The following MCTP2 variants were observed in gnomAD, a reference collection of about 807,000 sequenced individuals.
MCTP2 encodes the protein multiple C2 and transmembrane domain-containing protein 2.
A neutral mutation model predicts 111.6 loss-of-function variants in MCTP2; 132 were observed. The observed-to-expected ratio is 1.18, with a 90% CI of 1.03 to 1.37. The LOEUF (loss-of-function observed/expected upper bound fraction) is 1.37. Among genes scored for constraint, MCTP2 ranks in the 40% most tolerant of loss-of-function variants. The pLI, the probability that MCTP2 is intolerant of heterozygous loss-of-function variation, is 0.00. For synonymous variants in MCTP2, 395 were observed against 387.7 expected (o/e 1.02, Z -0.22); for missense variants, 1,183 against 1,067.9 (o/e 1.11, Z -1.50).
intron 2 of MCTP2, among the ~76,000 whole-genome samples, chr15:94,305,864 T>C (rs972095093): frequency 1.3e-5 from 2 of 152,138 alleles, no homozygotes; most frequent in Admixed American, 1.3e-4. Flanking sequence ...AGGAGCTTAT[T>C]TTTTTATTTT....
intron 17 of MCTP2, among the ~76,000 whole-genome samples, chr15:94,414,715 G>C (rs2152488694): frequency 6.6e-6 from 1 of 152,034 alleles, no homozygotes. Flanking sequence ...ATCACTCATG[G>C]TATTTTTCCC....
At chr15:94,289,825 T>A (rs1463292381) in intron 1 of MCTP2, among the ~76,000 whole-genome samples, 1 of 152,216 alleles carries the variant, frequency 6.6e-6, no homozygotes, top group Non-Finnish European at 1.5e-5. Flanking sequence ...TGTTACATTA[T>A]GTGGCACAAA....
intron 4 of MCTP2, among the ~76,000 whole-genome samples, chr15:94,316,658 A>G (rs1466229141): frequency 2.0e-5 from 3 of 152,230 alleles, no homozygotes; most frequent in African/African-American, 4.8e-5. Flanking sequence ...CAGCATTGAC[A>G]TTAGTTATAT....
rs1402579222 is a variant in MCTP2 at position 94,339,272 on chromosome 15, T to C, written c.638-18T>C. The C allele has an allele frequency of 6.4e-7, 1 of 1,566,230 alleles. No homozygotes were observed. The highest frequency in any genetic ancestry group is 8.6e-7 in the Non-Finnish European group (1 of 1,157,438). On this transcript the variant is annotated intron_variant, in intron 4 of 22. Transcript: ENST00000357742. ...CATGTATTTTAAAATTCTGTCTTGT[T>C]TTCTTTTCCTTTTAAAGGCACAAGT... is the stretch of plus-strand genomic sequence containing the variant.
chr15:94,260,791 T>C (rs1308520500), intron 1 of MCTP2, among the ~76,000 whole-genome samples: 1 of 152,188 alleles, frequency 6.6e-6, no homozygotes, highest in African/African-American at 2.4e-5. Context: ...GCCAACGGCA[T>C]TCCAACGTTA....
intron 1 of MCTP2, chr15:94,273,913 G>GA: frequency 4.2e-6 from 1 of 240,166 alleles, no homozygotes; most frequent in Non-Finnish European, 9.2e-6. Context: ...ACAAGGATCA[G>GA]AAAAAATTCT....
At chr15:94,454,413 C>A (rs569887284) in intron 19 of MCTP2, among the ~76,000 whole-genome samples, 18 of 152,202 alleles carry the variant, frequency 1.2e-4, no homozygotes, top group Admixed American at 1.0e-3. Flanking sequence ...TCCACACTTA[C>A]AATATTTTTA....
At chr15:94,390,076 A>G (rs57312063) in intron 14 of MCTP2, among the ~76,000 whole-genome samples, 1,179 of 12,542 alleles carry the variant, frequency 0.094, 58 homozygotes, top group African/African-American at 0.16. Flanking sequence ...ATATATATAT[A>G]TATATATATA....
At chr15:94,245,930 G>A (rs908392277) in intron 1 of MCTP2, among the ~76,000 whole-genome samples, 1 of 152,054 alleles carries the variant, frequency 6.6e-6, no homozygotes, top group Admixed American at 6.6e-5. Flanking sequence ...TCTCCCTGGA[G>A]TGTCAAGCTT....
chr15:94,400,119 C>G, intron 16 of MCTP2, 124 bp downstream of exon 16: 1 of 728,302 alleles, frequency 1.4e-6, no homozygotes, highest in Non-Finnish European at 2.3e-6. Context: ...CTCTCTCCCT[C>G]TTGCCCCATC....
At chr15:94,293,873 A>C (rs2075138975) in intron 1 of MCTP2, among the ~76,000 whole-genome samples, 1 of 152,206 alleles carries the variant, frequency 6.6e-6, no homozygotes, top group South Asian at 2.1e-4. Flanking sequence ...CATTTATCCC[A>C]GAGAAATGAG....
At chr15:94,382,369 A>G (rs1309046458) in intron 12 of MCTP2, among the ~76,000 whole-genome samples, 2 of 152,204 alleles carry the variant, frequency 1.3e-5, no homozygotes, top group African/African-American at 4.8e-5. Context: ...GACCATTTCC[A>G]TTGTTTGCAA....
intron 8 of MCTP2, among the ~76,000 whole-genome samples, chr15:94,354,731 T>C (rs75367278): frequency 0.018 from 2,684 of 152,302 alleles, 68 homozygotes; most frequent in Admixed American, 0.069. Context: ...TCAAAATACC[T>C]AGTGTGGCAT....
At chr15:94,243,169 A>G (rs2071183876) in intron 1 of MCTP2, among the ~76,000 whole-genome samples, 1 of 147,926 alleles carries the variant, frequency 6.8e-6, no homozygotes, top group Admixed American at 6.7e-5. Context: ...GTATATACAT[A>G]CGTACGTATG....
At chr15:94,399,250 G>A (rs537575296) in intron 15 of MCTP2, among the ~76,000 whole-genome samples, 188 bp downstream of exon 15, 12 of 152,278 alleles carry the variant, frequency 7.9e-5, no homozygotes, top group East Asian at 3.9e-4. Flanking sequence ...TCTGGAAAAC[G>A]TTTGTGTATA....
chr15:94,366,217 CAG>C lies in MCTP2; in HGVS notation c.1302-1385_1302-1384del, dbSNP rs2079176811. Among the ~76,000 whole-genome samples the C allele has an allele frequency of 2.0e-5, 3 of 152,196 alleles. No individual in the cohort carries two copies. The South Asian group carries it at 6.2e-4, about 32-fold the overall frequency. On this transcript the variant is annotated intron_variant, in intron 10 of 22. Coordinates refer to ENST00000357742, the MANE Select transcript of MCTP2 (RefSeq NM_001385001.1). ...ACAGAAAAATTGTTTTGATTCAAAT[CAG>C]AGGATTATTTAAAAATACTTTTTTT...
chr15:94,475,991 G>T (rs536237717), intron 21 of MCTP2, among the ~76,000 whole-genome samples: 1 of 152,182 alleles, frequency 6.6e-6, no homozygotes, highest in Non-Finnish European at 1.5e-5. Context: ...CACCGACGTT[G>T]TGATCCATAA....
intron 1 of MCTP2, among the ~76,000 whole-genome samples, chr15:94,237,740 A>G (rs1042711605): frequency 1.3e-5 from 2 of 152,158 alleles, no homozygotes; most frequent in East Asian, 3.8e-4. Context: ...GGCCCTCCCT[A>G]TCCTGAAGAG....
At chr15:94,420,867 C>G (rs2082594234) in intron 17 of MCTP2, among the ~76,000 whole-genome samples, 1 of 152,140 alleles carries the variant, frequency 6.6e-6, no homozygotes, top group Admixed American at 6.5e-5. Context: ...AGAAGTTCTA[C>G]TATGGGTAAG....
Sources: allele counts gnomAD v4.1 joint callset (sites outside exome capture counted in the v4.1 genomes callset), GRCh38; gene constraint gnomAD v4.1.1; transcripts MANE v1.5; gene names NCBI Gene and HGNC (gene_info 2026-07-23, HGNC 2026-07-21).